The following LINGO2 variants were observed in gnomAD, a reference collection of about 807,000 sequenced individuals.
LINGO2 encodes leucine rich repeat and Ig domain containing 2.
LINGO2 carries 14 observed loss-of-function variants against 30.6 expected under a neutral mutation model. That is an observed-to-expected ratio of 0.46 (90% CI 0.30 to 0.72). The LOEUF (loss-of-function observed/expected upper bound fraction) is 0.72. Among genes scored for constraint, LINGO2 ranks in the 30% least tolerant of loss-of-function variants. The pLI is 0.07. For missense variants in LINGO2, 729 were observed against 751.7 expected (o/e 0.97, Z 0.35); for synonymous variants, 317 against 288.5 (o/e 1.10, Z -1.00).
chr9:28,171,983 A>C (rs1307890020), intron 4 of LINGO2, among the ~76,000 whole-genome samples: 2 of 119,508 alleles, frequency 1.7e-5, no homozygotes. Context: ...ACGCCACTGC[A>C]CTCCAGCCTG....
chr9:27,983,734 T>G (rs975998032), intron 5 of LINGO2, among the ~76,000 whole-genome samples: 1 of 151,836 alleles, frequency 6.6e-6, no homozygotes, highest in African/African-American at 2.4e-5. Context: ...AACTTCCAAT[T>G]TGGTACTTTC....
chr9:28,120,484 G>A (rs1827063231), intron 4 of LINGO2, among the ~76,000 whole-genome samples: 1 of 152,192 alleles, frequency 6.6e-6, no homozygotes, highest in Non-Finnish European at 1.5e-5. Flanking sequence ...TACAGAAAGG[G>A]AAGAAACTTG....
At chr9:28,090,629 G>T (rs545327276) in intron 4 of LINGO2, among the ~76,000 whole-genome samples, 1 of 152,204 alleles carries the variant, frequency 6.6e-6, no homozygotes, top group South Asian at 2.1e-4. Flanking sequence ...GCAAAAACCG[G>T]AAGCATTCCC....
chr9:28,004,497 G>C (rs2119178981), intron 5 of LINGO2, among the ~76,000 whole-genome samples: 2 of 152,264 alleles, frequency 1.3e-5, no homozygotes, highest in South Asian at 2.1e-4. Context: ...ATGTAAGCCA[G>C]TTTGTCACAT....
At chr9:28,304,818 T>A (rs923240849) in intron 3 of LINGO2, among the ~76,000 whole-genome samples, 1 of 152,014 alleles carries the variant, frequency 6.6e-6, no homozygotes. Flanking sequence ...GCATGGAGTA[T>A]GTCGAAGAGA....
chr9:28,032,073 G>C (rs1370872023), intron 4 of LINGO2, among the ~76,000 whole-genome samples: 1 of 151,616 alleles, frequency 6.6e-6, no homozygotes, highest in Admixed American at 6.6e-5. Flanking sequence ...GATGAAGACA[G>C]CAAAGAAAAA....
At chr9:28,642,995 C>A (rs1435579682) in intron 1 of LINGO2, among the ~76,000 whole-genome samples, 2 of 151,876 alleles carry the variant, frequency 1.3e-5, no homozygotes, top group South Asian at 2.1e-4. Flanking sequence ...AGTGAAATAG[C>A]TCAATAATGA....
chr9:28,966,421 CA>C, the LINGO2 span, among the ~76,000 whole-genome samples: 1 of 152,038 alleles, frequency 6.6e-6, no homozygotes, highest in Non-Finnish European at 1.5e-5. Context: ...AACTGTACGT[CA>C]ACTTTGTCAG....
the LINGO2 span, among the ~76,000 whole-genome samples, chr9:29,202,874 T>A: frequency 1.3e-5 from 2 of 152,080 alleles, no homozygotes; most frequent in Non-Finnish European, 2.9e-5. Flanking sequence ...CCACTTCTTT[T>A]TAGCAGTCAA....
intron 5 of LINGO2, among the ~76,000 whole-genome samples, chr9:27,991,863 G>A (rs538870986): frequency 3.8e-4 from 58 of 152,042 alleles, no homozygotes; most frequent in Non-Finnish European, 7.5e-4. Context: ...TTCAGTACCT[G>A]TCACTTTTCA....
chr9:28,816,783 T>A, the LINGO2 span, among the ~76,000 whole-genome samples: 4 of 152,208 alleles, frequency 2.6e-5, no homozygotes, highest in African/African-American at 9.6e-5. Context: ...TCAGAAAAAA[T>A]AAATACTACC....
chr9:29,119,644 G>C, the LINGO2 span, among the ~76,000 whole-genome samples: 35 of 134,788 alleles, frequency 2.6e-4, no homozygotes, highest in Middle Eastern at 9.9e-3. Context: ...AGAGTGCAAT[G>C]GCTCTGTCTT....
chr9:28,766,277 A>C, the LINGO2 span, among the ~76,000 whole-genome samples: 1 of 152,022 alleles, frequency 6.6e-6, no homozygotes, highest in South Asian at 2.1e-4. Flanking sequence ...ATTTAAAAAA[A>C]GGGCAAAGGA....
the LINGO2 span, among the ~76,000 whole-genome samples, chr9:28,957,637 A>C: frequency 1.3e-5 from 2 of 152,142 alleles, no homozygotes; most frequent in African/African-American, 4.8e-5. Context: ...GAATATATAC[A>C]AGTTGAGTGG....
chr9:28,723,438 A>G, the LINGO2 span, among the ~76,000 whole-genome samples: 2 of 152,156 alleles, frequency 1.3e-5, no homozygotes, highest in African/African-American at 2.4e-5. Context: ...TATACATATT[A>G]GAAACTACTG....
chr9:29,204,840 A>G, the LINGO2 span, among the ~76,000 whole-genome samples: 7,532 of 152,260 alleles, frequency 0.049, 240 homozygotes, highest in Admixed American at 0.081. Flanking sequence ...AACGTTGAGT[A>G]AAAGTGATGA....
rs954265818 is a variant in LINGO2 at position 28,515,618 on chromosome 9, G to A, written c.-364-39593C>T. 2.8e-4 allele frequency among the ~76,000 whole-genome samples: 42 copies of A among 152,332 alleles called. No homozygotes were observed. The East Asian group carries it at 4.6e-3, about 17-fold the overall frequency. On this transcript the variant is annotated intron_variant, in intron 1 of 5. Transcript: ENST00000379992. Reference sequence around the variant, plus strand: ...AAGCAGAAGTGGAGTCTGAAGATGTGACTGAGTTGATGCTATCTCATGATA... The same window carrying A: ...AAGCAGAAGTGGAGTCTGAAGATGTAACTGAGTTGATGCTATCTCATGATA...
At chr9:28,101,174 T>C (rs1309303972) in intron 4 of LINGO2, among the ~76,000 whole-genome samples, 3 of 152,096 alleles carry the variant, frequency 2.0e-5, no homozygotes, top group Non-Finnish European at 4.4e-5. Flanking sequence ...TAAAATAACA[T>C]TTGTTTTTGA....
At chr9:29,202,625 CAT>C in the LINGO2 span, among the ~76,000 whole-genome samples, 1 of 152,042 alleles carries the variant, frequency 6.6e-6, no homozygotes, top group Non-Finnish European at 1.5e-5. Context: ...ACAGACAAAA[CAT>C]ATGATTATCA....
Sources: allele counts gnomAD v4.1 joint callset (sites outside exome capture counted in the v4.1 genomes callset), GRCh38; gene constraint gnomAD v4.1.1; transcripts MANE v1.5; gene names NCBI Gene and HGNC (gene_info 2026-07-23, HGNC 2026-07-21).